Variants in CAMK1D observed in about 807,000 individuals in gnomAD.
The protein encoded by CAMK1D is calcium/calmodulin dependent protein kinase ID.
In CAMK1D, 9 loss-of-function variants were observed where a neutral mutation model predicts 47.7. The observed-to-expected ratio is 0.19, with a 90% confidence interval of 0.11 to 0.33. The LOEUF (loss-of-function observed/expected upper bound fraction) is 0.33, where lower values mean the gene tolerates loss of function less well. Ranked by LOEUF, CAMK1D falls within the 10% of genes least tolerant of loss-of-function variation. CAMK1D has a pLI of 1.00. For synonymous variants in CAMK1D, 184 were observed against 184.9 expected, an observed-to-expected ratio of 0.99 and a Z score of 0.04; for missense variants, 291 against 488.7, an observed-to-expected ratio of 0.60 and a Z score of 3.81.
intron 1 of CAMK1D, among the ~76,000 whole-genome samples, chr10:12,388,663 A>C (rs1838609699): frequency 6.6e-6 from 1 of 152,172 alleles, no homozygotes; most frequent in South Asian, 2.1e-4. Flanking sequence ...ATGCGTTTCA[A>C]ATTAATAAAT....
At chr10:12,776,723 G>A (rs992893550) in intron 5 of CAMK1D, among the ~76,000 whole-genome samples, 4 of 152,196 alleles carry the variant, frequency 2.6e-5, no homozygotes, top group Non-Finnish European at 5.9e-5. Context: ...TTCTCTGAAA[G>A]GCATATCACG....
At chr10:12,627,291 A>G (rs1205246348) in intron 2 of CAMK1D, among the ~76,000 whole-genome samples, 1 of 151,848 alleles carries the variant, frequency 6.6e-6, no homozygotes, top group Non-Finnish European at 1.5e-5. Flanking sequence ...TCACCATGTT[A>G]GCCAGGATGG....
At position 12,500,689 on chromosome 10, in the gene CAMK1D, A is replaced by G. The variant is rs184911113; in HGVS notation, c.93-52536A>G. ...TCAGTTTAGATAAGATTATCCAGCT[A>G]AAGAGGCTTGGGCATTCTGCCAATT... On this transcript the variant is annotated intron_variant, in intron 1 of 10. Coordinates refer to ENST00000619168, the MANE Select transcript of CAMK1D (RefSeq NM_153498.4). Among the ~76,000 whole-genome samples the G allele has an allele frequency of 7.7e-4, 118 of 152,352 alleles. 1 individual carries two copies. Among genetic ancestry groups the G allele is most frequent in the Admixed American group, 3.7e-3 (56 of 15,308 alleles).
chr10:12,825,753 G>A lies in CAMK1D; in HGVS notation c.1039+63G>A, dbSNP rs1054391696. ...CTGAAGACGAGCCTGGGGTGGAGAG[G>A]AGGGAGCCGGCATCTGCCGAGCACC... On this transcript the variant is annotated intron_variant, in intron 10 of 10. Coordinates refer to ENST00000619168, the MANE Select transcript of CAMK1D (RefSeq NM_153498.4). The A allele has an allele frequency of 6.8e-6, 11 of 1,610,848 alleles. No homozygotes were observed. The African/African-American group carries it at 9.4e-5, about 14-fold the overall frequency.
chr10:12,554,047 T>C (rs1588626730), intron 2 of CAMK1D, among the ~76,000 whole-genome samples: 1 of 152,092 alleles, frequency 6.6e-6, no homozygotes, highest in African/African-American at 2.4e-5. Context: ...ACCTCCTCAT[T>C]GAGTTTTATT....
chr10:12,401,053 T>TAA (rs1839163698), intron 1 of CAMK1D, among the ~76,000 whole-genome samples: 1 of 102,824 alleles, frequency 9.7e-6, no homozygotes, highest in African/African-American at 3.7e-5. Flanking sequence ...ATTATATATA[T>TAA]TATATATATA....
At chr10:12,789,168 C>T (rs1564563257) in intron 5 of CAMK1D, among the ~76,000 whole-genome samples, 3 of 152,172 alleles carry the variant, frequency 2.0e-5, no homozygotes, top group Admixed American at 6.5e-5. Context: ...TGAGTGTGAC[C>T]CAACACAAAT....
At chr10:12,488,861 A>T (rs1038589339) in intron 1 of CAMK1D, among the ~76,000 whole-genome samples, 4 of 152,160 alleles carry the variant, frequency 2.6e-5, no homozygotes, top group Non-Finnish European at 5.9e-5. Context: ...GATGCGAGGG[A>T]TGGGGAGCGG....
chr10:12,779,240 C>T (rs575392402), intron 5 of CAMK1D, among the ~76,000 whole-genome samples: 73 of 152,010 alleles, frequency 4.8e-4, no homozygotes, highest in African/African-American at 1.5e-3. Context: ...CCCTTGGTCT[C>T]GGCAATAAGA....
chr10:12,420,028 C>T (rs113153570), intron 1 of CAMK1D, among the ~76,000 whole-genome samples: 10 of 151,752 alleles, frequency 6.6e-5, no homozygotes, highest in Admixed American at 5.2e-4. Flanking sequence ...GTCGAGCTCT[C>T]GGCTCACTGC....
At chr10:12,402,487 C>A (rs1183480370) in intron 1 of CAMK1D, among the ~76,000 whole-genome samples, 1 of 152,218 alleles carries the variant, frequency 6.6e-6, no homozygotes, top group Non-Finnish European at 1.5e-5. Flanking sequence ...CTGCCTCGGC[C>A]TCCCAAGTGG....
At chr10:12,817,941 G>A (rs1011950695) in intron 8 of CAMK1D, among the ~76,000 whole-genome samples, 9 of 152,198 alleles carry the variant, frequency 5.9e-5, no homozygotes, top group South Asian at 2.1e-4. Flanking sequence ...CACCTGTTTC[G>A]GCCTCCCAAA....
intron 3 of CAMK1D, among the ~76,000 whole-genome samples, chr10:12,689,273 T>C (rs927355777): frequency 6.6e-6 from 1 of 152,222 alleles, no homozygotes; most frequent in African/African-American, 2.4e-5. Flanking sequence ...CAAGCAAAGC[T>C]GAAACGATAT....
chr10:12,547,337 CAG>C (rs1836411789), intron 1 of CAMK1D, among the ~76,000 whole-genome samples: 1 of 152,192 alleles, frequency 6.6e-6, no homozygotes, highest in South Asian at 2.1e-4. Context: ...AGGTCGACTG[CAG>C]AGAGAAGAGT....
intron 1 of CAMK1D, among the ~76,000 whole-genome samples, chr10:12,517,636 T>C (rs1407697864): frequency 6.6e-6 from 1 of 152,252 alleles, no homozygotes; most frequent in Non-Finnish European, 1.5e-5. Context: ...AGATGTCATA[T>C]GGCTTTTCTT....
intron 10 of CAMK1D, among the ~76,000 whole-genome samples, chr10:12,826,886 C>G (rs545845985): frequency 6.6e-6 from 1 of 152,232 alleles, no homozygotes; most frequent in Non-Finnish European, 1.5e-5. Flanking sequence ...CAGCAAAGCC[C>G]GTCGGGAGCA....
chr10:12,668,693 G>A (rs949791619), intron 3 of CAMK1D, among the ~76,000 whole-genome samples: 1 of 152,176 alleles, frequency 6.6e-6, no homozygotes, highest in African/African-American at 2.4e-5. Flanking sequence ...TTAATTTTAT[G>A]AGATAAAGTT....
intron 1 of CAMK1D, among the ~76,000 whole-genome samples, chr10:12,532,944 C>T (rs941041546): frequency 8.0e-5 from 9 of 113,190 alleles, no homozygotes; most frequent in South Asian, 5.6e-4. Flanking sequence ...CTAGAGACTG[C>T]GAAAGGTTGG....
chr10:12,573,659 TTTTTTTG>T (rs1217523976), intron 2 of CAMK1D, among the ~76,000 whole-genome samples: 1 of 151,758 alleles, frequency 6.6e-6, no homozygotes, highest in East Asian at 1.9e-4. Context: ...TCTTTTTCTT[TTTTTTTG>T]TTTTTTGTTT....
Sources: allele counts gnomAD v4.1 joint callset (sites outside exome capture counted in the v4.1 genomes callset), GRCh38; gene constraint gnomAD v4.1.1; transcripts MANE v1.5; gene names NCBI Gene and HGNC (gene_info 2026-07-23, HGNC 2026-07-21).